Variants in RIMBP2 observed in about 807,000 individuals in gnomAD.
RIMBP2 encodes the protein RIMS binding protein 2, also known as RIMS-binding protein 2.
A neutral mutation model predicts 118.6 loss-of-function variants in RIMBP2; 48 were observed. The observed-to-expected ratio is 0.40, with a 90% CI of 0.32 to 0.51. RIMBP2 has a LOEUF of 0.51. Among genes scored for constraint, RIMBP2 ranks in the 20% least tolerant of loss-of-function variants. RIMBP2 has a pLI of 0.41. For synonymous variants in RIMBP2, 762 were observed against 742.9 expected (o/e 1.03, Z -0.42); for missense variants, 1,551 against 1,768.3 (o/e 0.88, Z 2.20).
chr12:130,686,669 G>A (rs2065061798), intron 1 of RIMBP2, among the ~76,000 whole-genome samples: 1 of 152,230 alleles, frequency 6.6e-6, no homozygotes, highest in Non-Finnish European at 1.5e-5. Flanking sequence ...ACATGGCCAG[G>A]GCGTTTAGCA....
At chr12:130,649,296 TG>T (rs760171239) in intron 1 of RIMBP2, among the ~76,000 whole-genome samples, 1 of 109,492 alleles carries the variant, frequency 9.1e-6, no homozygotes, top group African/African-American at 2.8e-5. Context: ...AGCGGAGAGA[TG>T]AGTGCTCCCG....
intron 2 of RIMBP2, among the ~76,000 whole-genome samples, chr12:130,527,235 A>T (rs2052898144): frequency 6.6e-6 from 1 of 152,252 alleles, no homozygotes; most frequent in Admixed American, 6.5e-5. Flanking sequence ...TGTATTCTTC[A>T]AGTCGTAAAG....
intron 2 of RIMBP2, among the ~76,000 whole-genome samples, chr12:130,567,681 G>A (rs1216509621): frequency 6.6e-6 from 1 of 152,172 alleles, no homozygotes; most frequent in Non-Finnish European, 1.5e-5. Context: ...ATCCCCCTGG[G>A]CATAGCAGCC....
intron 2 of RIMBP2, among the ~76,000 whole-genome samples, chr12:130,536,041 G>A (rs1200619729): frequency 6.6e-6 from 1 of 151,998 alleles, no homozygotes; most frequent in African/African-American, 2.4e-5. Flanking sequence ...TCTCCGCCTC[G>A]GCTTCCCAAA....
chr12:130,600,089 C>T lies in RIMBP2; in HGVS notation c.-217+28233G>A, dbSNP rs541039181. 1.5e-3 allele frequency among the ~76,000 whole-genome samples: 225 copies of T among 152,314 alleles called. 2 individuals are homozygous for T. Among genetic ancestry groups the T allele is most frequent in the South Asian group, 4.4e-3 (21 of 4,824 alleles). On this transcript the variant is annotated intron_variant, in intron 2 of 22. Transcript: ENST00000690449. ...GTTGCCCCACCTTTCCTGACTGAAC[C>T]AGTGTACATCTTACACATATTGATT...
chr12:130,556,550 T>C (rs2056373589), intron 2 of RIMBP2, among the ~76,000 whole-genome samples: 1 of 152,186 alleles, frequency 6.6e-6, no homozygotes, highest in African/African-American at 2.4e-5. Context: ...GCACTCAGGA[T>C]GGACAACCAA....
Position 130,576,285 on chromosome 12 carries a change from C to A in RIMBP2, c.-217+52037G>T, listed in dbSNP as rs142584313. ...CCAAAGCAAAAACTACAAACAGGAACGGAGAGTTTCATGACCATAGACATG... is the reference window on the plus strand; with the variant it reads ...CCAAAGCAAAAACTACAAACAGGAAAGGAGAGTTTCATGACCATAGACATG... On this transcript the variant is annotated intron_variant, in intron 2 of 22. Coordinates refer to ENST00000690449, the MANE Select transcript of RIMBP2 (RefSeq NM_001393629.1). This position sits in a 1 kb window ranked among gnomAD's most constrained non-coding sequence, Gnocchi z 4.2. Among the ~76,000 whole-genome samples the A allele has an allele frequency of 1.3e-5, 2 of 152,112 alleles. No homozygotes were observed. Among genetic ancestry groups the A allele is most frequent in the South Asian group, 4.1e-4 (2 of 4,824 alleles).
chr12:130,603,519 C>T (rs895930718), intron 2 of RIMBP2, among the ~76,000 whole-genome samples: 2 of 152,104 alleles, frequency 1.3e-5, no homozygotes, highest in Admixed American at 1.3e-4. Context: ...AATCATGTGC[C>T]CAGTATGATA....
intron 1 of RIMBP2, among the ~76,000 whole-genome samples, chr12:130,668,795 C>T (rs753000778): frequency 2.0e-5 from 3 of 152,186 alleles, no homozygotes; most frequent in Non-Finnish European, 2.9e-5. Flanking sequence ...CATGCCATGC[C>T]GTGCCATGCC....
intron 2 of RIMBP2, among the ~76,000 whole-genome samples, chr12:130,567,651 T>G (rs1450524441): frequency 9.9e-5 from 15 of 152,152 alleles, no homozygotes; most frequent in Admixed American, 9.8e-4. Context: ...TTTCCCACAT[T>G]TGCAGGCTCA....
At position 130,622,418 on chromosome 12, in the gene RIMBP2, T is replaced by C. The variant is rs962015867; in HGVS notation, c.-217+5904A>G. The stretch of plus-strand genomic sequence containing the variant: ...AACACAAAACTGTTGGTTAATTCAC[T>C]AGTTATTTTGTACATAAATTCACTA... On this transcript the variant is annotated intron_variant, in intron 2 of 22. Transcript: ENST00000690449. This position sits in a 1 kb window ranked among gnomAD's most constrained non-coding sequence, Gnocchi z 8.5. Among the ~76,000 whole-genome samples the C allele has an allele frequency of 6.8e-6, 1 of 147,664 alleles. No homozygotes were observed. The highest frequency in any genetic ancestry group is 1.5e-5 in the Non-Finnish European group (1 of 65,452).
chr12:130,639,697 G>A (rs2062527289), intron 1 of RIMBP2, among the ~76,000 whole-genome samples: 2 of 152,046 alleles, frequency 1.3e-5, no homozygotes, highest in Non-Finnish European at 2.9e-5. Flanking sequence ...CGTGTCCTCT[G>A]CTATACTCCC....
intron 1 of RIMBP2, among the ~76,000 whole-genome samples, chr12:130,663,236 C>T (rs942088667): frequency 2.6e-5 from 4 of 152,108 alleles, no homozygotes; most frequent in Non-Finnish European, 4.4e-5. Context: ...CTGCTCCACC[C>T]CCTCAGAAGT....
chr12:130,438,240 G>A (rs2137062095), intron 12 of RIMBP2, 125 bp downstream of exon 12: 6 of 1,073,042 alleles, frequency 5.6e-6, no homozygotes, highest in South Asian at 3.0e-5. Context: ...CTTCGGGGTT[G>A]AGGGTGCCTC....
At position 130,529,466 on chromosome 12, in the gene RIMBP2, G is replaced by A. The variant is rs2053151528; in HGVS notation, c.-216-11549C>T. Reference sequence around the variant, plus strand: ...TCGTGGCTGTCAGGGCTGGAAGGAGGAAGGAAAGAGGAGGGGCTACCTGGC... The same window carrying A: ...TCGTGGCTGTCAGGGCTGGAAGGAGAAAGGAAAGAGGAGGGGCTACCTGGC... On this transcript the variant is annotated intron_variant, in intron 2 of 22. Transcript: ENST00000690449. Among the ~76,000 whole-genome samples, 2 of 152,210 alleles carry A rather than the reference G, an allele frequency of 1.3e-5. 1 individual carries two copies. The highest frequency in any genetic ancestry group is 4.1e-4 in the South Asian group (2 of 4,828).
intron 2 of RIMBP2, among the ~76,000 whole-genome samples, chr12:130,595,761 G>A (rs931835500): frequency 2.6e-5 from 4 of 152,172 alleles, no homozygotes; most frequent in African/African-American, 7.2e-5. Context: ...CCCTGGGGCT[G>A]AGCAGGGCAA....
chr12:130,637,038 C>T (rs1319415206), intron 1 of RIMBP2, among the ~76,000 whole-genome samples: 1 of 152,200 alleles, frequency 6.6e-6, no homozygotes, highest in Non-Finnish European at 1.5e-5. Flanking sequence ...AGTACCATCT[C>T]TTTGGCTCCA....
intron 2 of RIMBP2, among the ~76,000 whole-genome samples, chr12:130,574,721 C>T (rs910239602): frequency 6.6e-6 from 1 of 151,996 alleles, no homozygotes; most frequent in East Asian, 1.9e-4. Flanking sequence ...CATCGGAAGC[C>T]CTGAGCAGCC....
In RIMBP2 at chr12:130,446,023, C is replaced by CT. The variant is rs56182390; in HGVS notation, c.582-755_582-754insA. On this transcript the variant is annotated intron_variant, in intron 9 of 22. Coordinates refer to ENST00000690449, the MANE Select transcript of RIMBP2 (RefSeq NM_001393629.1). This position sits in a 1 kb window ranked among gnomAD's most constrained non-coding sequence, Gnocchi z 4.1. ...AACAGACGCATGATTTTATGCTCCC[C>CT]CCCCCCACACCCCCAGGAATATAAG... is the stretch of plus-strand genomic sequence containing the variant. Among the ~76,000 whole-genome samples the CT allele has an allele frequency of 0.33, 49,377 of 149,426 alleles. 8,974 individuals carry two copies. The highest frequency in any genetic ancestry group is 0.55 in the South Asian group (2,583 of 4,658).
Sources: gnomAD v4.1 joint callset for allele counts (sites outside exome capture counted in the v4.1 genomes callset) on GRCh38, gnomAD v4.1.1 for gene constraint, Gnocchi (gnomAD v3.1) non-coding constraint, MANE v1.5 for transcripts, NCBI Gene and HGNC (gene_info 2026-07-23, HGNC 2026-07-21) for gene names.